Variants in UBR3 observed in about 807,000 individuals in gnomAD.
The protein encoded by UBR3 is ubiquitin protein ligase E3 component n-recognin 3, also known as E3 ubiquitin-protein ligase UBR3.
In UBR3, 85 loss-of-function variants were observed where a neutral mutation model predicts 243.2. The observed-to-expected ratio is 0.35, with a 90% CI of 0.29 to 0.42. The LOEUF (loss-of-function observed/expected upper bound fraction) is 0.42. UBR3 is among the 10% of genes least tolerant of loss of function. The probability of loss-of-function intolerance (pLI) is 1.00; values close to 1 mark genes in which losing one functional copy is unlikely to be tolerated. For synonymous variants in UBR3, 748 were observed against 799.8 expected (o/e 0.94, Z 1.09); for missense variants, 1,686 against 2,300.8 (o/e 0.73, Z 5.47).
At chr2:170,037,580 G>T (rs2090865227) in intron 31 of UBR3, among the ~76,000 whole-genome samples, 1 of 152,008 alleles carries the variant, frequency 6.6e-6, no homozygotes, top group East Asian at 1.9e-4. Flanking sequence ...TAGAGACAGG[G>T]TTTCACCATA....
At chr2:169,836,065 ATATTTTTTTT>A (rs1261338684) in intron 1 of UBR3, among the ~76,000 whole-genome samples, 100 of 27,938 alleles carry the variant, frequency 3.6e-3, no homozygotes, top group African/African-American at 9.2e-3. Flanking sequence ...ATATATATAT[ATATTTTTTTT>A]TTTTTTTTTT....
At chr2:169,955,793 C>CAAAAAAAAAAAAAAAAAAAAAAAAA (rs56238118) in intron 23 of UBR3, among the ~76,000 whole-genome samples, 4 of 78,544 alleles carry the variant, frequency 5.1e-5, no homozygotes, top group African/African-American at 1.9e-4. Flanking sequence ...GACTCCATCT[C>CAAAAAAAAAAAAAAAAAAAAAAAAA]AAAAAAAAAA....
At chr2:169,832,724 C>T (rs1362684290) in intron 1 of UBR3, among the ~76,000 whole-genome samples, 3 of 151,958 alleles carry the variant, frequency 2.0e-5, no homozygotes, top group South Asian at 2.1e-4. Context: ...CACCTTAAGT[C>T]GGGAGTTCAA....
Position 169,949,834 on chromosome 2 carries a change from ACTC to A in UBR3, c.3317_3319del (p.Ser1106del). The stretch of plus-strand genomic sequence containing the variant: ...CACCACAAACTCTCAGGAAAACAAA[ACTC>A]CTACTATCCTCCTTGGCTTGATGAC... On this transcript the variant is annotated inframe_deletion, in exon 23 of 39. Transcript: ENST00000272793. 3 of 1,564,814 alleles carry A rather than the reference ACTC, an allele frequency of 1.9e-6. No homozygotes were observed. Among genetic ancestry groups the A allele is most frequent in the Admixed American group, 1.9e-5 (1 of 52,016 alleles).
intron 11 of UBR3, among the ~76,000 whole-genome samples, chr2:169,918,488 ATT>A (rs34312357): frequency 1.6e-4 from 22 of 141,656 alleles, no homozygotes; most frequent in Non-Finnish European, 1.5e-4. Context: ...CAAGCAAATA[ATT>A]TTTTTTTTTT....
rs764395644 is a variant in UBR3 at position 170,076,203 on chromosome 2, G to A, written c.5199+2596G>A. On this transcript the variant is annotated intron_variant, in intron 36 of 38. Coordinates refer to ENST00000272793, the MANE Select transcript of UBR3 (RefSeq NM_172070.4). Reference sequence around the variant, plus strand: ...GGGGACAGCCCCATCAGAACTGTACGGAGCAAGAAAAGGGGTTATTTTCTA... The same window carrying A: ...GGGGACAGCCCCATCAGAACTGTACAGAGCAAGAAAAGGGGTTATTTTCTA... 1.4e-4 allele frequency among the ~76,000 whole-genome samples: 21 copies of A among 152,206 alleles called. No homozygotes were observed. In the South Asian group the frequency reaches 3.1e-3, roughly 23 times the overall value.
chr2:169,982,468 A>C (rs1358540253), intron 24 of UBR3, among the ~76,000 whole-genome samples: 2 of 152,160 alleles, frequency 1.3e-5, no homozygotes, highest in African/African-American at 2.4e-5. Context: ...TATTTTTAAC[A>C]AATATTAGAA....
intron 26 of UBR3, among the ~76,000 whole-genome samples, chr2:169,998,906 G>C (rs1238219129): frequency 6.6e-6 from 1 of 152,134 alleles, no homozygotes; most frequent in Non-Finnish European, 1.5e-5. Flanking sequence ...TTCCTCTCTT[G>C]TAAAAAGGGA....
Position 169,913,341 on chromosome 2 carries a change from TTTTG to T in UBR3, c.1780-707_1780-704del, listed in dbSNP as rs1394085705. Among the ~76,000 whole-genome samples, 36 of 145,732 alleles carry T rather than the reference TTTTG, an allele frequency of 2.5e-4. No homozygotes were observed. The East Asian group carries it at 3.4e-3, about 14-fold the overall frequency. ...CTTTTTAAATCCTTTGCCTGTTTTT[TTTTG>T]TTTGTTTGTTTTTTGTTTTTTTTTT... On this transcript the variant is annotated intron_variant, in intron 10 of 38. Coordinates refer to ENST00000272793, the MANE Select transcript of UBR3 (RefSeq NM_172070.4).
intron 24 of UBR3, among the ~76,000 whole-genome samples, chr2:169,983,251 C>CTTTTTTTTTT (rs2088833292): frequency 8.7e-6 from 1 of 115,472 alleles, no homozygotes; most frequent in Non-Finnish European, 1.7e-5. Flanking sequence ...CATTCTCTCT[C>CTTTTTTTTTT]CTTTTTTTTT....
In UBR3 at chr2:169,971,774, G is replaced by A. The variant is rs145465875; in HGVS notation, c.3634+13248G>A. On this transcript the variant is annotated intron_variant, in intron 24 of 38. Coordinates refer to ENST00000272793, the MANE Select transcript of UBR3 (RefSeq NM_172070.4). ...GGATGCATTCGAAGCAGTGTGTAGA[G>A]GGAAATTTATAGCACTAAATGCCCT... 5.6e-3 allele frequency among the ~76,000 whole-genome samples: 849 copies of A among 152,184 alleles called. 8 individuals are homozygous for A. The highest frequency in any genetic ancestry group is 0.019 in the African/African-American group (798 of 41,514).
At position 170,015,346 on chromosome 2, in the gene UBR3, C is replaced by T. The variant is rs369256667; in HGVS notation, c.4433C>T (p.Ala1478Val). The change falls in exon 30 of 39, where the codon GCT becomes GTT. Residue 1478 changes from alanine (A) to valine (V), a missense_variant. Physicochemically the swap from Ala to Val is moderately conservative, Grantham distance 64. Coordinates refer to ENST00000272793, the MANE Select transcript of UBR3 (RefSeq NM_172070.4). ...GNLCSGGAST[A>V]GKRSCLNQLF... ...TTGTGTTCAGGTGGTGCAAGCACAG[C>T]TGGCAAAAGGTCTTGTTTAAGTAAG... The T allele has an allele frequency of 1.2e-6, 2 of 1,611,478 alleles. No homozygotes were observed. Among genetic ancestry groups the T allele is most frequent in the African/African-American group, 2.7e-5 (2 of 74,732 alleles).
intron 31 of UBR3, among the ~76,000 whole-genome samples, chr2:170,036,000 C>T (rs554812205): frequency 6.7e-6 from 1 of 150,148 alleles, no homozygotes; most frequent in South Asian, 2.1e-4. Flanking sequence ...TGATTGACTT[C>T]TGTATATTAA....
chr2:170,023,910 A>G (rs2090458473), intron 30 of UBR3, among the ~76,000 whole-genome samples: 3 of 151,762 alleles, frequency 2.0e-5, no homozygotes, highest in Admixed American at 2.0e-4. Context: ...AAAAGGTTTC[A>G]CCATGTTGGT....
At chr2:169,939,058 T>A (rs190617248) in intron 19 of UBR3, among the ~76,000 whole-genome samples, 1 of 152,280 alleles carries the variant, frequency 6.6e-6, no homozygotes, top group Admixed American at 6.5e-5. Flanking sequence ...ATTTTACGTT[T>A]ATATTTAATG....
chr2:169,924,243 T>G (rs2085817247), intron 13 of UBR3, 70 bp downstream of exon 13: 2 of 1,157,506 alleles, frequency 1.7e-6, no homozygotes, highest in Non-Finnish European at 2.4e-6. Context: ...TTTATTTATA[T>G]GCCTTTCATT....
rs575696240 is a variant in UBR3, at chr2:169,989,918, A to AAT, written c.3784+3125_3784+3126insTA. Among the ~76,000 whole-genome samples the AAT allele has an allele frequency of 1.4e-4, 21 of 152,264 alleles. 1 individual carries two copies. The South Asian group carries it at 4.4e-3, about 32-fold the overall frequency. On this transcript the variant is annotated intron_variant, in intron 25 of 38. Coordinates refer to ENST00000272793, the MANE Select transcript of UBR3 (RefSeq NM_172070.4). Reference sequence around the variant, plus strand: ...TCTTTTGATACAAGGCTAGAGTAGTAAGTAGCCTTGGGTCTTTCTACATTT... The same window carrying AAT: ...TCTTTTGATACAAGGCTAGAGTAGTAATAGTAGCCTTGGGTCTTTCTACATTT...
intron 35 of UBR3, among the ~76,000 whole-genome samples, chr2:170,063,085 A>G (rs1282101945): frequency 6.6e-6 from 1 of 152,194 alleles, no homozygotes; most frequent in Non-Finnish European, 1.5e-5. Flanking sequence ...ATTGTGAAGA[A>G]TAGACAGATG....
chr2:170,058,406 T>G (rs1443503280), intron 33 of UBR3, among the ~76,000 whole-genome samples: 2 of 152,162 alleles, frequency 1.3e-5, no homozygotes, highest in Non-Finnish European at 2.9e-5. Flanking sequence ...TAACTCATAC[T>G]TTTTTGGTCA....
Sources: allele counts gnomAD v4.1 joint callset (sites outside exome capture counted in the v4.1 genomes callset), GRCh38; gene constraint gnomAD v4.1.1; transcripts MANE v1.5; gene names NCBI Gene and HGNC (gene_info 2026-07-23, HGNC 2026-07-21).